PTPDC1: variants seen among roughly 807,000 people sequenced by gnomAD.
PTPDC1 encodes protein tyrosine phosphatase domain-containing protein 1.
Under a neutral mutation model 75.3 loss-of-function variants are expected in PTPDC1, and 53 were observed. That is an observed-to-expected ratio of 0.70 (90% CI 0.56 to 0.88). The LOEUF (loss-of-function observed/expected upper bound fraction) is 0.88, where lower values mean the gene tolerates loss of function less well. Among genes scored for constraint, PTPDC1 ranks in the 40% least tolerant of loss-of-function variants. The pLI, the probability that PTPDC1 is intolerant of heterozygous loss-of-function variation, is 0.00. For missense variants in PTPDC1, 925 were observed against 998.6 expected, an observed-to-expected ratio of 0.93 and a Z score of 0.99; for synonymous variants, 349 against 366.2, an observed-to-expected ratio of 0.95 and a Z score of 0.54.
chr9:94,065,107 T>C (rs866546774), intron 2 of PTPDC1, among the ~76,000 whole-genome samples: 2 of 152,290 alleles, frequency 1.3e-5, no homozygotes, highest in Non-Finnish European at 2.9e-5. Flanking sequence ...GGCCTACTTA[T>C]GAATCAAACT....
Position 94,107,994 on chromosome 9 carries a change from T to G in PTPDC1, c.*50T>G. On this transcript the variant is annotated 3_prime_UTR_variant, in exon 9 of 9. Transcript: ENST00000620992. ...GACCTAAAGATCCAGATAGTATCTC[T>G]GTTCATATGTGAATAAGTTGAAGAT... 9.6e-7 allele frequency: 1 copy of G among 1,040,586 alleles called. No homozygotes were observed. 64.5% of individuals were successfully genotyped at this position (1,040,586 alleles called of 1,614,324 possible). A position where few individuals can be genotyped will look rare whatever the true frequency, so the allele number is the denominator to read the frequency against.
In PTPDC1 at chr9:94,095,386, A is replaced by T. The variant is rs141814131; in HGVS notation, c.686A>T (p.Lys229Met). ...ASLTTILDMVKVMTFALQEGK... is the reference protein window; with the variant it reads ...ASLTTILDMVMVMTFALQEGK... ...CTTACTACTATCCTAGATATGGTGAAGGTGATGACATTTGCCTTACAGGAA... is the reference window on the plus strand; with the variant it reads ...CTTACTACTATCCTAGATATGGTGATGGTGATGACATTTGCCTTACAGGAA... The change falls in exon 5 of 9, where the codon AAG (lysine) becomes ATG (methionine). Residue 229 changes from lysine to methionine, a missense_variant. Lys to Met is a moderately conservative substitution (Grantham distance 95, BLOSUM62 -1). Coordinates refer to ENST00000620992, the MANE Select transcript of PTPDC1 (RefSeq NM_001253829.2). The T allele has an allele frequency of 3.7e-6, 6 of 1,613,234 alleles. No individual in the cohort carries two copies. The highest frequency in any genetic ancestry group is 4.2e-6 in the Non-Finnish European group (5 of 1,179,186).
chr9:94,100,427 A>C (rs1479563517), intron 6 of PTPDC1: 1 of 152,226 alleles, frequency 6.6e-6, no homozygotes, highest in Non-Finnish European at 1.5e-5. Context: ...GATCTATGGG[A>C]TATGAAGGAC....
chr9:94,067,747 A>C (rs1328345824), intron 2 of PTPDC1, among the ~76,000 whole-genome samples: 2 of 152,086 alleles, frequency 1.3e-5, no homozygotes, highest in Non-Finnish European at 2.9e-5. Flanking sequence ...GATTACAGGC[A>C]TGCGCCACCA....
chr9:94,080,246 G>T (rs1826833866), upstream of PTPDC1, among the ~76,000 whole-genome samples: 1 of 152,154 alleles, frequency 6.6e-6, no homozygotes, highest in East Asian at 1.9e-4. Flanking sequence ...CATGTAGGGG[G>T]CTTGGTCAAT....
intron 1 of PTPDC1, among the ~76,000 whole-genome samples, chr9:94,062,393 C>G (rs1178373870): frequency 6.6e-6 from 1 of 152,242 alleles, no homozygotes; most frequent in Non-Finnish European, 1.5e-5. Flanking sequence ...CTGACCCCTT[C>G]CCACTCTTCC....
At position 94,088,191 on chromosome 9, in the gene PTPDC1, G is replaced by A. The variant is rs1311163414; in HGVS notation, c.544G>A (p.Ala182Thr). 1.2e-6 allele frequency: 2 copies of A among 1,613,930 alleles called. No homozygotes were observed. The highest frequency in any genetic ancestry group is 1.7e-6 in the Non-Finnish European group (2 of 1,179,946). ...CAACCTCCAGCGCCCTGGTGAGCAT[G>A]CTAGCTGTGGGAACCCTCTGGAACA... ...IINLQRPGEHASCGNPLEQES... is the reference protein window; with the variant it reads ...IINLQRPGEHTSCGNPLEQES... The change falls in exon 4 of 9, where the codon GCT (alanine) becomes ACT (threonine). Residue 182 changes from alanine to threonine, a missense_variant. Ala to Thr is a moderately conservative substitution (Grantham distance 58). Coordinates refer to ENST00000620992, the MANE Select transcript of PTPDC1 (RefSeq NM_001253829.2).
intron 1 of PTPDC1, among the ~76,000 whole-genome samples, chr9:94,037,152 A>T (rs1346996305): frequency 1.3e-5 from 2 of 152,208 alleles, no homozygotes; most frequent in Non-Finnish European, 2.9e-5. Context: ...TTTATACCTT[A>T]TAAAGACTAA....
chr9:94,049,469 A>G (rs1420715580), intron 1 of PTPDC1, among the ~76,000 whole-genome samples: 1 of 152,116 alleles, frequency 6.6e-6, no homozygotes, highest in African/African-American at 2.4e-5. Flanking sequence ...TCCTTCACTT[A>G]TGAAGCTTAG....
chr9:94,048,888 C>G (rs536812436), intron 1 of PTPDC1, among the ~76,000 whole-genome samples: 5 of 152,204 alleles, frequency 3.3e-5, no homozygotes, highest in African/African-American at 1.2e-4. Context: ...TCTGGGTGCT[C>G]CTGTATTGGG....
Position 94,072,495 on chromosome 9 carries a change from T to C in PTPDC1, c.82+7674T>C, listed in dbSNP as rs146016680. ...TGTCTGCAAATAAGGACAGTTCTAT[T>C]TCCTCTTTTCCAATTCATATGCTGT... On this transcript the variant is annotated intron_variant, in intron 2 of 9. Coordinates refer to the PTPDC1 transcript ENST00000375360. Among the ~76,000 whole-genome samples the C allele has an allele frequency of 1.9e-3, 285 of 151,984 alleles. 4 individuals carry two copies. Among genetic ancestry groups the C allele is most frequent in the African/African-American group, 6.6e-3 (274 of 41,268 alleles).
At chr9:94,032,892 C>G (rs566606529) in intron 1 of PTPDC1, among the ~76,000 whole-genome samples, 2 of 152,182 alleles carry the variant, frequency 1.3e-5, no homozygotes, top group East Asian at 3.9e-4. Context: ...AACAGTGTCT[C>G]GCTCAGGTGC....
At chr9:94,032,544 C>A (rs1275066371) in intron 1 of PTPDC1, among the ~76,000 whole-genome samples, 1 of 152,184 alleles carries the variant, frequency 6.6e-6, no homozygotes, top group Non-Finnish European at 1.5e-5. Flanking sequence ...GGAGACAGCA[C>A]CCTATCCTGT....
At chr9:94,043,310 T>A (rs1438760448) in intron 1 of PTPDC1, among the ~76,000 whole-genome samples, 1 of 152,192 alleles carries the variant, frequency 6.6e-6, no homozygotes, top group Non-Finnish European at 1.5e-5. Flanking sequence ...AGTTTGCACA[T>A]CCCCTATACT....
At chr9:94,091,458 T>C (rs1827316161) in intron 4 of PTPDC1, among the ~76,000 whole-genome samples, 2 of 152,216 alleles carry the variant, frequency 1.3e-5, no homozygotes, top group South Asian at 4.2e-4. Context: ...GGATAAGCTT[T>C]TTGATGTGCT....
In PTPDC1 at chr9:94,098,084, ACTTT is replaced by A. The variant is rs768337270; in HGVS notation, c.1525_1528del (p.Phe509GlyfsTer129). On this transcript the variant is annotated frameshift_variant, in exon 6 of 9. Coordinates refer to ENST00000620992, the MANE Select transcript of PTPDC1 (RefSeq NM_001253829.2). LOFTEE classifies it high-confidence loss of function. ...ACAAGGAAGCCTTGGTTCGCAGCAC[ACTTT>A]CTTTCTGGAGTCAGTCAAAGTTTGG... is the stretch of plus-strand genomic sequence containing the variant. The A allele has an allele frequency of 6.2e-7, 1 of 1,614,200 alleles. No individual in the cohort carries two copies. Among genetic ancestry groups the A allele is most frequent in the East Asian group, 2.2e-5 (1 of 44,886 alleles).
At chr9:94,092,655 CGTT>C (rs1339639976) in intron 4 of PTPDC1, among the ~76,000 whole-genome samples, 2 of 149,622 alleles carry the variant, frequency 1.3e-5, no homozygotes, top group Admixed American at 6.7e-5. Context: ...CTTTCTGTCT[CGTT>C]GATCTGTCTA....
At chr9:94,105,831 G>C (rs1224441818) in intron 8 of PTPDC1, among the ~76,000 whole-genome samples, 1 of 151,506 alleles carries the variant, frequency 6.6e-6, no homozygotes, top group Non-Finnish European at 1.5e-5. Flanking sequence ...AAATTAACTG[G>C]GTATGGTGGC....
At chr9:94,030,824 C>T (rs949002848) in exon 1 of PTPDC1, 1 of 152,278 alleles carries the variant, frequency 6.6e-6, no homozygotes, top group African/African-American at 2.4e-5. Flanking sequence ...GCGCCGGGGA[C>T]GCGGCCTCAG....
Sources: gnomAD v4.1 joint callset for allele counts (sites outside exome capture counted in the v4.1 genomes callset) on GRCh38, gnomAD v4.1.1 for gene constraint, MANE v1.5 for transcripts, NCBI Gene and HGNC (gene_info 2026-07-23, HGNC 2026-07-21) for gene names.